RPS6KA1: variants seen among roughly 807,000 people sequenced by gnomAD.
RPS6KA1 encodes ribosomal protein S6 kinase A1.
A neutral mutation model predicts 91.3 loss-of-function variants in RPS6KA1; 48 were observed. That is an observed-to-expected ratio of 0.53 (90% CI 0.42 to 0.67). The LOEUF is 0.67. Among genes scored for constraint, RPS6KA1 ranks in the 30% least tolerant of loss-of-function variants. The pLI, the probability that RPS6KA1 is intolerant of heterozygous loss-of-function variation, is 0.00. For synonymous variants in RPS6KA1, 359 were observed against 384.7 expected (o/e 0.93, Z 0.78); for missense variants, 719 against 960.5 (o/e 0.75, Z 3.32).
intron 17 of RPS6KA1, among the ~76,000 whole-genome samples, chr1:26,565,568 C>CT (rs1553133908): frequency 1.8e-4 from 27 of 150,424 alleles, no homozygotes; most frequent in South Asian, 4.2e-4. Flanking sequence ...CTTTTCTTTT[C>CT]TTTTTTTTTG....
chr1:26,566,981 T>C (rs763656454), intron 17 of RPS6KA1, among the ~76,000 whole-genome samples: 41 of 151,968 alleles, frequency 2.7e-4, no homozygotes, highest in Admixed American at 5.2e-4. Flanking sequence ...TATGCCACTT[T>C]CCACAGGCCA....
At position 26,555,386 on chromosome 1, in the gene RPS6KA1, G is replaced by A; in HGVS notation, c.828-151G>A. ...CCAGAGCCCCTCTTTCATCCCTGGG[G>A]GCCTGTGGGTAGGATCCCTGAAGCC... On this transcript the variant is annotated intron_variant, in intron 10 of 21. Coordinates refer to ENST00000374168, the MANE Select transcript of RPS6KA1 (RefSeq NM_002953.4). This position sits in a 1 kb window ranked among gnomAD's most constrained non-coding sequence, Gnocchi z 4.3. 1.0e-6 allele frequency: 1 copy of A among 983,022 alleles called. No homozygotes were observed. Among genetic ancestry groups the A allele is most frequent in the Non-Finnish European group, 1.5e-6 (1 of 648,896 alleles). The allele number at this position is 983,022 out of a possible 1,614,324, so 60.9% of individuals were successfully genotyped here. A position where few individuals can be genotyped will look rare whatever the true frequency, so the allele number is the denominator to read the frequency against.
chr1:26,571,519 G>A lies in RPS6KA1; in HGVS notation c.1661G>A (p.Arg554His), dbSNP rs1312651014. The change falls in exon 18 of 22, where the codon CGC becomes CAC. Residue 554 changes from arginine to histidine, a missense_variant. Coordinates refer to ENST00000374168, the MANE Select transcript of RPS6KA1 (RefSeq NM_002953.4). This position sits in a 1 kb window ranked among gnomAD's most constrained non-coding sequence, Gnocchi z 5.1. ...VDESGNPECL[R>H]ICDFGFAKQL... ...GAGTCCGGGAATCCCGAGTGCCTGCGCATCTGTGACTTTGGTTTTGCCAAA... is the reference window on the plus strand; with the variant it reads ...GAGTCCGGGAATCCCGAGTGCCTGCACATCTGTGACTTTGGTTTTGCCAAA... The A allele has an allele frequency of 6.8e-6, 11 of 1,614,046 alleles. No homozygotes were observed. Among genetic ancestry groups the A allele is most frequent in the Admixed American group, 5.0e-5 (3 of 60,014 alleles).
chr1:26,551,783 C>G lies in RPS6KA1; in HGVS notation c.468+60C>G. The G allele has an allele frequency of 7.1e-7, 1 of 1,401,220 alleles. No homozygotes were observed. Among genetic ancestry groups the G allele is most frequent in the East Asian group, 2.3e-5 (1 of 43,804 alleles). 86.8% of individuals were successfully genotyped at this position (1,401,220 alleles called of 1,614,324 possible). ...TGGAGCTGAGGGACGACAAGTCCTC[C>G]CATCCCAGGGCCCTGTACAGAATGT... On this transcript the variant is annotated intron_variant, in intron 6 of 21. Transcript: ENST00000374168. The surrounding 1 kb of genome is among the most constrained non-coding windows in gnomAD (Gnocchi z 4.5).
rs752850262 is a variant in RPS6KA1, at chr1:26,558,150, A to C, written c.1085-657A>C. On this transcript the variant is annotated intron_variant, in intron 13 of 21. Transcript: ENST00000374168. The surrounding 1 kb of genome is among the most constrained non-coding windows in gnomAD (Gnocchi z 4.0). ...ACTTCTCCAAGCAGTCCGCTGGGCA[A>C]CGTGACAAGTGCAGCTTCGTAGGAG... Among the ~76,000 whole-genome samples the C allele has an allele frequency of 6.6e-6, 1 of 152,156 alleles. No homozygotes were observed. The highest frequency in any genetic ancestry group is 1.5e-5 in the Non-Finnish European group (1 of 68,022).
intron 17 of RPS6KA1, among the ~76,000 whole-genome samples, chr1:26,569,645 C>T (rs2076233260): frequency 6.6e-6 from 1 of 152,200 alleles, no homozygotes; most frequent in African/African-American, 2.4e-5. Flanking sequence ...TGAATAAAAC[C>T]AACTAACCTG....
In RPS6KA1 at chr1:26,561,717, C is replaced by T. The variant is rs1317136060; in HGVS notation, c.1590+54C>T. On this transcript the variant is annotated intron_variant, in intron 17 of 21. Transcript: ENST00000374168. This position sits in a 1 kb window ranked among gnomAD's most constrained non-coding sequence, Gnocchi z 5.7. ...GGGATGCCAAGGGTCATATCATCAG[C>T]AGAGAACATGAACCACCTGCTGGCC... 2 of 1,522,166 alleles carry T rather than the reference C, an allele frequency of 1.3e-6. No homozygotes were observed. Among genetic ancestry groups the T allele is most frequent in the Admixed American group, 3.9e-5 (2 of 50,780 alleles). The allele number at this position is 1,522,166 out of a possible 1,614,324, so 94.3% of individuals were successfully genotyped here.
rs1270181140 is a variant in RPS6KA1, at chr1:26,554,855, A to G, written c.756+117A>G. 2.2e-6 allele frequency: 3 copies of G among 1,376,106 alleles called. No individual in the cohort carries two copies. The East Asian group carries it at 7.0e-5, about 32-fold the overall frequency. 85.2% of individuals were successfully genotyped at this position (1,376,106 alleles called of 1,614,324 possible). ...CTCTCCCCGTCTCCTCTCACAGCCA[A>G]GCTGGCCTCACCCTATATGCACCTG... On this transcript the variant is annotated intron_variant, in intron 9 of 21. Coordinates refer to ENST00000374168, the MANE Select transcript of RPS6KA1 (RefSeq NM_002953.4). The surrounding 1 kb of genome is among the most constrained non-coding windows in gnomAD (Gnocchi z 4.6).
At chr1:26,535,325 G>A (rs1242240746) in intron 1 of RPS6KA1, among the ~76,000 whole-genome samples, 1 of 152,032 alleles carries the variant, frequency 6.6e-6, no homozygotes, top group African/African-American at 2.4e-5. Context: ...GGGGCAGGGA[G>A]ATTATGTAAT....
intron 17 of RPS6KA1, among the ~76,000 whole-genome samples, chr1:26,562,834 T>A (rs1489799933): frequency 7.3e-6 from 1 of 137,650 alleles, no homozygotes; most frequent in African/African-American, 2.8e-5. Flanking sequence ...CCTTTTTTTT[T>A]TTTTTTTTTT....
intron 1 of RPS6KA1, among the ~76,000 whole-genome samples, chr1:26,532,530 A>T (rs2075875152): frequency 6.6e-6 from 1 of 151,290 alleles, no homozygotes; most frequent in Admixed American, 6.6e-5. Context: ...ATGTTGGCGG[A>T]CTCTCCTTAT....
intron 2 of RPS6KA1, among the ~76,000 whole-genome samples, chr1:26,544,663 A>G (rs1168903048): frequency 1.3e-5 from 2 of 151,418 alleles, no homozygotes; most frequent in Non-Finnish European, 2.9e-5. Context: ...TTTAGTAGAG[A>G]CGGGGTTTCA....
rs2076276711 is a variant in RPS6KA1 at position 26,574,210 on chromosome 1, G to A, written c.*9G>A. Reference sequence around the variant, plus strand: ...CATCCACCACCCTGTGAGGCACCAGGGCATTCGGGCCACAGGGCGGTGCTA... The same window carrying A: ...CATCCACCACCCTGTGAGGCACCAGAGCATTCGGGCCACAGGGCGGTGCTA... On this transcript the variant is annotated 3_prime_UTR_variant, in exon 22 of 22. Coordinates refer to ENST00000374168, the MANE Select transcript of RPS6KA1 (RefSeq NM_002953.4). This position sits in a 1 kb window ranked among gnomAD's most constrained non-coding sequence, Gnocchi z 4.3. 3.1e-6 allele frequency: 5 copies of A among 1,614,020 alleles called. No homozygotes were observed. Among genetic ancestry groups the A allele is most frequent in the Non-Finnish European group, 4.2e-6 (5 of 1,180,000 alleles).
chr1:26,531,919 GGCTGTTCTCACTGGAGAACAGGGCCTC>G (rs1460390296), intron 1 of RPS6KA1, among the ~76,000 whole-genome samples: 3 of 152,280 alleles, frequency 2.0e-5, no homozygotes, highest in African/African-American at 7.2e-5. Context: ...GCGCAGGTTG[GGCTGTTCTCACTGGAGAACAGGGCCTC>G]GCTGTTCTTA....
chr1:26,553,460 A>G lies in RPS6KA1; in HGVS notation c.538A>G (p.Ser180Gly). The G allele has an allele frequency of 6.2e-7, 1 of 1,612,998 alleles. No homozygotes were observed. The highest frequency in any genetic ancestry group is 8.5e-7 in the Non-Finnish European group (1 of 1,179,312). Reference protein sequence around the residue: ...ELALGLDHLHSLGIIYRDLKP... With the variant: ...ELALGLDHLHGLGIIYRDLKP... ...GGCTCTGGGCCTGGATCACCTGCAC[A>G]GCCTGGGTATCATTTACAGAGACCT... Residue 180 changes from serine to glycine, a missense_variant, in exon 7 of 22, where the codon AGC becomes GGC. Transcript: ENST00000374168.
At chr1:26,568,119 A>T (rs1017565086) in intron 17 of RPS6KA1, among the ~76,000 whole-genome samples, 1 of 152,212 alleles carries the variant, frequency 6.6e-6, no homozygotes, top group Non-Finnish European at 1.5e-5. Flanking sequence ...GGCTGCTTTT[A>T]AAAACACTGG....
chr1:26,539,534 G>A (rs1264800711), intron 2 of RPS6KA1, among the ~76,000 whole-genome samples: 3 of 152,226 alleles, frequency 2.0e-5, no homozygotes, highest in African/African-American at 7.2e-5. Context: ...CCTGAAAAAT[G>A]AAAGGAGAAT....
intron 20 of RPS6KA1, among the ~76,000 whole-genome samples, chr1:26,572,805 C>T (rs893943481): frequency 7.2e-5 from 11 of 152,282 alleles, no homozygotes; most frequent in African/African-American, 2.6e-4. Flanking sequence ...CGGCCGGCCA[C>T]CTCACATCAA....
At position 26,574,526 on chromosome 1, in the gene RPS6KA1, G is replaced by A. The variant is rs114390260; in HGVS notation, c.*325G>A. 1,160 of 493,532 alleles carry A rather than the reference G, an allele frequency of 2.4e-3. 20 individuals carry two copies. Among genetic ancestry groups the A allele is most frequent in the African/African-American group, 0.02 (1,031 of 51,350 alleles). The allele number at this position is 493,532 out of a possible 1,614,324, so 30.6% of individuals were successfully genotyped here. Reference sequence around the variant, plus strand: ...AGAAACAGCCATTGCGGCCCCAGGAGGGGAACTGAGTCACGCTGGGGCTCT... The same window carrying A: ...AGAAACAGCCATTGCGGCCCCAGGAAGGGAACTGAGTCACGCTGGGGCTCT... On this transcript the variant is annotated 3_prime_UTR_variant, in exon 22 of 22. Transcript: ENST00000374168. This position sits in a 1 kb window ranked among gnomAD's most constrained non-coding sequence, Gnocchi z 4.3.
Sources: allele counts gnomAD v4.1 joint callset (sites outside exome capture counted in the v4.1 genomes callset), GRCh38; gene constraint gnomAD v4.1.1; non-coding constraint Gnocchi (gnomAD v3.1); transcripts MANE v1.5; gene names NCBI Gene and HGNC (gene_info 2026-07-23, HGNC 2026-07-21).